MBNL1: variants seen among roughly 807,000 people sequenced by gnomAD.
MBNL1 encodes muscleblind-like protein 1.
MBNL1 carries 8 observed loss-of-function variants against 42.2 expected under a neutral mutation model. The ratio of observed to expected loss-of-function variants is 0.19; its 90% CI spans 0.11 to 0.34. The LOEUF (loss-of-function observed/expected upper bound fraction) is 0.34, where lower values mean the gene tolerates loss of function less well. Among genes scored for constraint, MBNL1 ranks in the 10% least tolerant of loss-of-function variants. The probability of loss-of-function intolerance (pLI) is 1.00; values close to 1 mark genes in which losing one functional copy is unlikely to be tolerated. For missense variants in MBNL1, 309 were observed against 495.3 expected (o/e 0.62, Z 3.57); for synonymous variants, 169 against 173.9 (o/e 0.97, Z 0.22).
chr3:152,338,885 C>T (rs1459240213), intron 2 of MBNL1, among the ~76,000 whole-genome samples: 1 of 151,858 alleles, frequency 6.6e-6, no homozygotes, highest in Admixed American at 6.6e-5. Flanking sequence ...TTAAATTTGG[C>T]ATGGAACAGA....
chr3:152,421,435 C>A (rs1326269319), intron 3 of MBNL1, among the ~76,000 whole-genome samples: 1 of 152,204 alleles, frequency 6.6e-6, no homozygotes, highest in South Asian at 2.1e-4. Flanking sequence ...CGCTGCCAGC[C>A]TAGCAGTCTG....
chr3:152,432,915 C>T lies in MBNL1; in HGVS notation c.544C>T (p.Leu182Phe), dbSNP rs142621584. 5.6e-6 allele frequency: 9 copies of T among 1,611,260 alleles called. No individual in the cohort carries two copies. Among genetic ancestry groups the T allele is most frequent in the Middle Eastern group, 1.7e-4 (1 of 6,048 alleles). The change falls in exon 4 of 10, where the codon CTT becomes TTT. Residue 182 changes from leucine (L) to phenylalanine (F), a missense_variant. Transcript: ENST00000324210. The stretch of plus-strand genomic sequence containing the variant: ...ACAGAAATTAATGCGAACAGACAGA[C>T]TTGAGGTAGGAATGACTAGTTGGTG... ...AAQKLMRTDRLEVCREYQRGN... is the reference protein window; with the variant it reads ...AAQKLMRTDRFEVCREYQRGN...
chr3:152,321,773 T>C (rs1317705479), intron 2 of MBNL1, among the ~76,000 whole-genome samples: 1 of 152,090 alleles, frequency 6.6e-6, no homozygotes, highest in East Asian at 1.9e-4. Flanking sequence ...CCTTTGTGTA[T>C]TTCCAATCTT....
chr3:152,318,768 C>G (rs2074088323), intron 2 of MBNL1, among the ~76,000 whole-genome samples: 1 of 152,040 alleles, frequency 6.6e-6, no homozygotes, highest in African/African-American at 2.4e-5. Context: ...TAAGCTGTGA[C>G]TAGCTATTAT....
intron 2 of MBNL1, among the ~76,000 whole-genome samples, chr3:152,377,221 A>G (rs2096946383): frequency 6.6e-6 from 1 of 152,162 alleles, no homozygotes; most frequent in African/African-American, 2.4e-5. Context: ...TTATGCTTAG[A>G]TAAGATGCTT....
At chr3:152,335,988 G>A (rs565968362) in intron 2 of MBNL1, among the ~76,000 whole-genome samples, 13 of 152,090 alleles carry the variant, frequency 8.5e-5, no homozygotes, top group Middle Eastern at 3.4e-3. Flanking sequence ...TGGCACTACC[G>A]GACAGTAAGT....
At chr3:152,392,575 C>T (rs898235859) in intron 2 of MBNL1, among the ~76,000 whole-genome samples, 1 of 152,186 alleles carries the variant, frequency 6.6e-6, no homozygotes, top group East Asian at 1.9e-4. Flanking sequence ...CATTCAAAGC[C>T]TTGATGTTGA....
At chr3:152,356,133 A>G (rs541887324) in intron 2 of MBNL1, among the ~76,000 whole-genome samples, 1 of 152,282 alleles carries the variant, frequency 6.6e-6, no homozygotes, top group East Asian at 1.9e-4. Context: ...GAGTCATTAA[A>G]ATGTATGCTA....
chr3:152,260,250 A>G (rs1350463449), intron 2 of MBNL1, among the ~76,000 whole-genome samples: 1 of 152,202 alleles, frequency 6.6e-6, no homozygotes, highest in East Asian at 1.9e-4. Flanking sequence ...CATTACTGGG[A>G]GGGCTCGATG....
chr3:152,408,877 G>A (rs1043919315), intron 2 of MBNL1, among the ~76,000 whole-genome samples: 7 of 152,140 alleles, frequency 4.6e-5, no homozygotes, highest in Non-Finnish European at 1.0e-4. Context: ...GCTAAACATA[G>A]TACAATGCAC....
In MBNL1 at chr3:152,447,727, T is replaced by C; in HGVS notation, c.915T>C (p.Ala305=). The stretch of plus-strand genomic sequence containing the variant: ...CTGGTATTTTCCAATACCAACAGGC[T>C]CTAGCCAACATGCAGTTACAACAGC... ...FNTGIFQYQQ[A]LANMQLQQHT... is the part of the protein sequence containing the mutation. Residue 305 remains alanine (A), a synonymous_variant, in exon 6 of 10, where the codon GCT becomes GCC. Coordinates refer to ENST00000324210, the MANE Select transcript of MBNL1 (RefSeq NM_021038.5). 2 of 1,613,844 alleles carry C rather than the reference T, an allele frequency of 1.2e-6. No individual in the cohort carries two copies. Among genetic ancestry groups the C allele is most frequent in the Non-Finnish European group, 8.5e-7 (1 of 1,179,806 alleles).
At chr3:152,345,738 A>G (rs1289278053) in intron 2 of MBNL1, among the ~76,000 whole-genome samples, 1 of 152,152 alleles carries the variant, frequency 6.6e-6, no homozygotes, top group Non-Finnish European at 1.5e-5. Flanking sequence ...TATGGTTAAA[A>G]GCATTGGCTC....
intron 4 of MBNL1, among the ~76,000 whole-genome samples, chr3:152,443,860 T>C (rs1647861434): frequency 6.6e-6 from 1 of 152,174 alleles, no homozygotes; most frequent in South Asian, 2.1e-4. Context: ...AAACTTTAGC[T>C]AGGTTGAGGT....
upstream of MBNL1, chr3:152,268,492 G>A: frequency 3.2e-6 from 1 of 313,428 alleles, no homozygotes; most frequent in Non-Finnish European, 6.3e-6. Context: ...TGCAAAGCCC[G>A]GTGCAAGGGC....
chr3:152,376,828 A>G (rs1039153362), intron 2 of MBNL1, among the ~76,000 whole-genome samples: 33 of 152,176 alleles, frequency 2.2e-4, no homozygotes, highest in Non-Finnish European at 5.9e-5. Flanking sequence ...ACACACACAC[A>G]TACATATATA....
At chr3:152,313,103 A>G (rs1001653434) in intron 2 of MBNL1, among the ~76,000 whole-genome samples, 8 of 151,724 alleles carry the variant, frequency 5.3e-5, no homozygotes, top group Non-Finnish European at 8.8e-5. Flanking sequence ...GCTCACTGCA[A>G]CCTCCACCTC....
intron 2 of MBNL1, among the ~76,000 whole-genome samples, chr3:152,357,642 A>G (rs566366903): frequency 2.0e-5 from 3 of 152,220 alleles, no homozygotes; most frequent in South Asian, 2.1e-4. Flanking sequence ...GAGAAAGGGT[A>G]TGTAGACAAC....
At chr3:152,369,208 T>G (rs2096556189) in intron 2 of MBNL1, among the ~76,000 whole-genome samples, 1 of 152,182 alleles carries the variant, frequency 6.6e-6, no homozygotes, top group Non-Finnish European at 1.5e-5. Context: ...TCTTGAGAGA[T>G]TTTAGCATGA....
intron 2 of MBNL1, among the ~76,000 whole-genome samples, chr3:152,327,679 T>A (rs2081280251): frequency 6.6e-6 from 1 of 152,136 alleles, no homozygotes; most frequent in African/African-American, 2.4e-5. Flanking sequence ...AGTTTGGGTT[T>A]CTTTTCCACT....
Sources: allele counts gnomAD v4.1 joint callset (sites outside exome capture counted in the v4.1 genomes callset), GRCh38; gene constraint gnomAD v4.1.1; transcripts MANE v1.5; gene names NCBI Gene and HGNC (gene_info 2026-07-23, HGNC 2026-07-21).